The following GCN1 variants were observed in gnomAD, a reference collection of about 807,000 sequenced individuals.
GCN1 encodes the protein stalled ribosome sensor GCN1.
GCN1 carries 90 observed loss-of-function variants against 288.4 expected under a neutral mutation model. The observed-to-expected ratio is 0.31, with a 90% CI of 0.26 to 0.37. The LOEUF (loss-of-function observed/expected upper bound fraction) is 0.37, where lower values mean the gene tolerates loss of function less well. GCN1 is among the 10% of genes least tolerant of loss of function. The probability of loss-of-function intolerance (pLI) is 1.00; values close to 1 mark genes in which losing one functional copy is unlikely to be tolerated. For missense variants in GCN1, 2,586 were observed against 3,419.9 expected, an observed-to-expected ratio of 0.76 and a Z score of 6.08; for synonymous variants, 1,386 against 1,420.2, an observed-to-expected ratio of 0.98 and a Z score of 0.54.
Position 120,158,643 on chromosome 12 carries a change from G to C in GCN1, c.2750-28C>G. The C allele has an allele frequency of 4.4e-6, 7 of 1,575,548 alleles. No homozygotes were observed. The highest frequency in any genetic ancestry group is 2.3e-5 in the East Asian group (1 of 44,126). On this transcript the variant is annotated intron_variant, in intron 24 of 57. Coordinates refer to ENST00000300648, the MANE Select transcript of GCN1 (RefSeq NM_006836.2). This position sits in a 1 kb window ranked among gnomAD's most constrained non-coding sequence, Gnocchi z 4.3. ...GTGTTGAAGAGGAGAGACCCAGCAG[G>C]AGATGACACACAGAGATGTGGAATC... is the stretch of plus-strand genomic sequence containing the variant.
At chr12:120,147,755 G>C (rs985684488) in intron 37 of GCN1, among the ~76,000 whole-genome samples, 2 of 152,314 alleles carry the variant, frequency 1.3e-5, no homozygotes, top group East Asian at 3.9e-4. Context: ...GCTGGTCAAG[G>C]TGGCTGGCTG....
chr12:120,162,247 T>C, intron 20 of GCN1, 189 bp from the exon 21 acceptor site: 2 of 594,786 alleles, frequency 3.4e-6, no homozygotes, highest in Non-Finnish European at 6.0e-6. Flanking sequence ...TGCTCCTCTG[T>C]CTGACACAGC....
Position 120,153,773 on chromosome 12 carries a change from C to T in GCN1, c.3838G>A (p.Ala1280Thr), listed in dbSNP as rs769575150. ...PDVRKCMLDA[A>T]LATLNTHGKE... ...CCATGAGTGTTGAGCGTTGCGAGGG[C>T]TGCATCCAACATGCACTTCCGGACA... Residue 1280 changes from alanine to threonine, a missense_variant, in exon 32 of 58, where the codon GCC becomes ACC. By Grantham distance (58) the Ala-to-Thr change is moderately conservative. Transcript: ENST00000300648. This position sits in a 1 kb window ranked among gnomAD's most constrained non-coding sequence, Gnocchi z 4.4. 1 of 1,614,172 alleles carries T rather than the reference C, an allele frequency of 6.2e-7. No homozygotes were observed. Among genetic ancestry groups the T allele is most frequent in the South Asian group, 1.1e-5 (1 of 91,092 alleles).
rs575797656 is a variant in GCN1 at position 120,153,147 on chromosome 12, C to T, written c.4062+66G>A. The T allele has an allele frequency of 5.7e-6, 8 of 1,406,438 alleles. No individual in the cohort carries two copies. The highest frequency in any genetic ancestry group is 2.5e-5 in the South Asian group (2 of 81,360). 87.1% of individuals were successfully genotyped at this position (1,406,438 alleles called of 1,614,324 possible). A position where few individuals can be genotyped will look rare whatever the true frequency, so the allele number is the denominator to read the frequency against. On this transcript the variant is annotated intron_variant, in intron 33 of 57. Transcript: ENST00000300648. This position sits in a 1 kb window ranked among gnomAD's most constrained non-coding sequence, Gnocchi z 4.4. ...TCCAACTCCACCCCTAGTATCCCAC[C>T]GCCTAACCACAGCCGGGTCCCAATT... is the stretch of plus-strand genomic sequence containing the variant.
intron 2 of GCN1, among the ~76,000 whole-genome samples, chr12:120,187,324 T>C (rs1383846954): frequency 1.3e-5 from 2 of 151,700 alleles, no homozygotes; most frequent in Non-Finnish European, 2.9e-5. Flanking sequence ...GCGATTCTCC[T>C]GCCTCTGCCT....
intron 38 of GCN1, among the ~76,000 whole-genome samples, chr12:120,146,306 G>A (rs1473269772): frequency 6.6e-6 from 1 of 151,586 alleles, no homozygotes; most frequent in Non-Finnish European, 1.5e-5. Context: ...TATTTTCGTG[G>A]TGGGGAACTG....
In GCN1 at chr12:120,151,290, T is replaced by G. The variant is rs777487438; in HGVS notation, c.4164A>C (p.Ser1388=). ...IQRLMQQLLE[S]DKYAERKGAA... is the part of the protein sequence containing the mutation. ...CCCCTTTGCGCTCTGCGTACTTGTC[T>G]GACTCCAGCAGCTGCTGCATAAGCC... Residue 1388 remains serine, a synonymous_variant, in exon 34 of 58, where the codon TCA becomes TCC. Coordinates refer to ENST00000300648, the MANE Select transcript of GCN1 (RefSeq NM_006836.2). The G allele has an allele frequency of 2.5e-6, 4 of 1,614,092 alleles. No individual in the cohort carries two copies. In the Admixed American group the frequency reaches 6.7e-5, roughly 27 times the overall value.
chr12:120,192,998 T>C (rs979635214), intron 1 of GCN1, among the ~76,000 whole-genome samples: 1 of 152,170 alleles, frequency 6.6e-6, no homozygotes, highest in African/African-American at 2.4e-5. Context: ...ATCGTGCCAT[T>C]GCACTCCAGC....
intron 1 of GCN1, among the ~76,000 whole-genome samples, chr12:120,191,240 C>T (rs548464204): frequency 6.6e-6 from 1 of 152,306 alleles, no homozygotes. Context: ...ACAGCACCTG[C>T]GTTTTTGAAA....
intron 5 of GCN1, among the ~76,000 whole-genome samples, chr12:120,180,883 G>C (rs529448315): frequency 6.6e-6 from 1 of 151,656 alleles, no homozygotes. Context: ...CCAGCTACTC[G>C]GGAGGCTGAG....
rs1877705007 is a variant in GCN1, at chr12:120,155,254, T to C, written c.3617A>G (p.Gln1206Arg). 3 of 1,614,054 alleles carry C rather than the reference T, an allele frequency of 1.9e-6. No homozygotes were observed. Among genetic ancestry groups the C allele is most frequent in the Non-Finnish European group, 2.5e-6 (3 of 1,180,032 alleles). ...EVMGRLMEIYQEKLYRPPPVL... is the reference protein window; with the variant it reads ...EVMGRLMEIYREKLYRPPPVL... ...CAGGTCACTCACGTAGAGCTTTTCC[T>C]GGTAAATCTCCATGAGCCTGCCCAT... Residue 1206 changes from glutamine (Q) to arginine (R), a missense_variant, in exon 30 of 58, where the codon CAG becomes CGG. By Grantham distance (43) the Gln-to-Arg change is conservative. Transcript: ENST00000300648. This position sits in a 1 kb window ranked among gnomAD's most constrained non-coding sequence, Gnocchi z 4.9.
In GCN1 at chr12:120,177,436, C is replaced by T; in HGVS notation, c.838+11G>A. ...ATCTCCCTCCCACCATCCTGGTTGA[C>T]AGCAACCTACTTTCAATAACATTCT... On this transcript the variant is annotated intron_variant, in intron 9 of 57. Transcript: ENST00000300648. 2 of 1,395,582 alleles carry T rather than the reference C, an allele frequency of 1.4e-6. No individual in the cohort carries two copies. The highest frequency in any genetic ancestry group is 2.0e-6 in the Non-Finnish European group (2 of 981,836). The allele number at this position is 1,395,582 out of a possible 1,614,324, so 86.4% of individuals were successfully genotyped here. A position where few individuals can be genotyped will look rare whatever the true frequency, so the allele number is the denominator to read the frequency against.
chr12:120,165,263 C>T (rs953451566), intron 16 of GCN1, among the ~76,000 whole-genome samples: 3 of 152,080 alleles, frequency 2.0e-5, no homozygotes, highest in African/African-American at 7.2e-5. Context: ...TCTCGATCTC[C>T]TGGCCTCGTG....
At chr12:120,165,075 C>T (rs1005013885) in intron 16 of GCN1, among the ~76,000 whole-genome samples, 3 of 150,472 alleles carry the variant, frequency 2.0e-5, no homozygotes, top group Admixed American at 6.6e-5. Flanking sequence ...GAGACAGTCA[C>T]GCTCTGTCGC....
intron 15 of GCN1, 99 bp downstream of exon 15, chr12:120,170,070 G>A (rs914082276): frequency 6.7e-6 from 7 of 1,043,008 alleles, no homozygotes; most frequent in East Asian, 4.8e-5. Context: ...GATCCAGTGT[G>A]GTCAGGACCA....
At chr12:120,181,807 C>T (rs967640875) in intron 5 of GCN1, among the ~76,000 whole-genome samples, 19 of 142,612 alleles carry the variant, frequency 1.3e-4, no homozygotes, top group Middle Eastern at 3.9e-3. Flanking sequence ...CCATTGCACT[C>T]CAGCCTATGC....
At chr12:120,167,396 T>C (rs141687340) in intron 16 of GCN1, among the ~76,000 whole-genome samples, 445 of 150,244 alleles carry the variant, frequency 3.0e-3, no homozygotes, top group Non-Finnish European at 4.5e-3. Flanking sequence ...CATTATATAC[T>C]GATATGGACT....
intron 46 of GCN1, 56 bp downstream of exon 46, chr12:120,138,639 T>C: frequency 1.9e-6 from 3 of 1,542,076 alleles, no homozygotes; most frequent in Non-Finnish European, 2.7e-6. Flanking sequence ...GTATTTTCCA[T>C]CTACAAAGAC....
At chr12:120,154,939 G>A (rs760262401) in intron 31 of GCN1, 31 bp downstream of exon 31, 2 of 1,576,916 alleles carry the variant, frequency 1.3e-6, no homozygotes. Context: ...CACAAAGCTT[G>A]GAGTAGAACG....
Sources: allele counts gnomAD v4.1 joint callset (sites outside exome capture counted in the v4.1 genomes callset), GRCh38; gene constraint gnomAD v4.1.1; non-coding constraint Gnocchi (gnomAD v3.1); transcripts MANE v1.5; gene names NCBI Gene and HGNC (gene_info 2026-07-23, HGNC 2026-07-21).